Variants in AOPEP observed in about 807,000 individuals in gnomAD.
The protein encoded by AOPEP is aminopeptidase O.
In AOPEP, 77 loss-of-function variants were observed where a neutral mutation model predicts 98.1. That is an observed-to-expected ratio of 0.78 (90% confidence interval 0.65 to 0.95). The LOEUF (loss-of-function observed/expected upper bound fraction) is 0.95, where lower values mean the gene tolerates loss of function less well. Among genes scored for constraint, AOPEP ranks in the 40% least tolerant of loss-of-function variants. The pLI is 0.00. For missense variants in AOPEP, 1,024 were observed against 1,024.7 expected, an observed-to-expected ratio of 1.00 and a Z score of 0.01; for synonymous variants, 346 against 365.3, an observed-to-expected ratio of 0.95 and a Z score of 0.60.
intron 5 of AOPEP, among the ~76,000 whole-genome samples, chr9:94,901,918 GAA>G (rs2050464342): frequency 6.6e-6 from 1 of 151,924 alleles, no homozygotes; most frequent in Non-Finnish European, 1.5e-5. Context: ...CAAAAAAAAA[GAA>G]AAGAAAAGAA....
At chr9:94,961,273 G>T (rs1287385433) in intron 9 of AOPEP, among the ~76,000 whole-genome samples, 1 of 151,860 alleles carries the variant, frequency 6.6e-6, no homozygotes, top group African/African-American at 2.4e-5. Flanking sequence ...TGGTGTCTAT[G>T]GTTTTCTATC....
chr9:94,770,305 A>G (rs569286992), intron 2 of AOPEP, among the ~76,000 whole-genome samples: 10 of 152,188 alleles, frequency 6.6e-5, no homozygotes, highest in Non-Finnish European at 1.2e-4. Context: ...TGTGTTAACT[A>G]TGGCTGCACA....
chr9:94,881,526 T>C (rs1009300701), intron 5 of AOPEP, among the ~76,000 whole-genome samples: 3 of 152,332 alleles, frequency 2.0e-5, no homozygotes, highest in African/African-American at 7.2e-5. Flanking sequence ...GGTAGTCTTT[T>C]GGGTTTTTTC....
At chr9:94,810,145 G>A (rs1367245749) in intron 5 of AOPEP, 2 of 154,796 alleles carry the variant, frequency 1.3e-5, no homozygotes, top group Non-Finnish European at 2.9e-5. Flanking sequence ...CTTTTCTGTT[G>A]CTCAGAAGGA....
intron 5 of AOPEP, among the ~76,000 whole-genome samples, chr9:94,822,093 G>C (rs1350357447): frequency 6.6e-6 from 1 of 152,026 alleles, no homozygotes; most frequent in Non-Finnish European, 1.5e-5. Context: ...GGCTGGTTTG[G>C]CAGGGCACTC....
chr9:95,011,086 G>A (rs916349932), intron 13 of AOPEP, among the ~76,000 whole-genome samples: 32 of 152,190 alleles, frequency 2.1e-4, no homozygotes, highest in African/African-American at 7.7e-4. Flanking sequence ...GCTGGACCAA[G>A]GAATAATTGC....
intron 11 of AOPEP, among the ~76,000 whole-genome samples, chr9:95,001,013 T>C (rs951240444): frequency 1.3e-5 from 2 of 152,150 alleles, no homozygotes; most frequent in African/African-American, 4.8e-5. Flanking sequence ...TTGGGAACAT[T>C]GAAGAGCCCC....
chr9:94,793,796 A>T (rs899659865), intron 4 of AOPEP, among the ~76,000 whole-genome samples: 8 of 152,224 alleles, frequency 5.3e-5, no homozygotes, highest in African/African-American at 1.9e-4. Flanking sequence ...AAGTCTGCTG[A>T]AATATTTATA....
At chr9:95,115,211 G>GAATT in the AOPEP span, among the ~76,000 whole-genome samples, 1 of 152,062 alleles carries the variant, frequency 6.6e-6, no homozygotes, top group Non-Finnish European at 1.5e-5. Flanking sequence ...CAAAGTGCTG[G>GAATT]AATTACAGGC....
At chr9:94,882,088 T>C (rs1224857342) in intron 5 of AOPEP, among the ~76,000 whole-genome samples, 1 of 152,174 alleles carries the variant, frequency 6.6e-6, no homozygotes, top group African/African-American at 2.4e-5. Flanking sequence ...CTTTAGAACA[T>C]GGAGTGAAGG....
At chr9:94,832,522 T>C (rs945555199) in intron 5 of AOPEP, among the ~76,000 whole-genome samples, 1 of 152,214 alleles carries the variant, frequency 6.6e-6, no homozygotes, top group Non-Finnish European at 1.5e-5. Flanking sequence ...CCAAATCTTA[T>C]GAATTTATTC....
At chr9:94,868,185 T>A (rs975762213) in intron 5 of AOPEP, among the ~76,000 whole-genome samples, 3 of 152,212 alleles carry the variant, frequency 2.0e-5, no homozygotes, top group Non-Finnish European at 4.4e-5. Flanking sequence ...TCATAACAAC[T>A]GGGATAGCAG....
chr9:95,114,305 G>A, the AOPEP span: 1 of 376,798 alleles, frequency 2.7e-6, no homozygotes, highest in Non-Finnish European at 5.1e-6. Context: ...TTCCCAGCAG[G>A]TGGGTGCTGC....
intron 13 of AOPEP, among the ~76,000 whole-genome samples, chr9:95,043,775 C>T (rs956867368): frequency 2.0e-5 from 3 of 152,134 alleles, no homozygotes; most frequent in Non-Finnish European, 4.4e-5. Flanking sequence ...AGCAATCCTC[C>T]CACCTCAGCC....
At chr9:94,766,550 A>G (rs1487716647) in intron 2 of AOPEP, among the ~76,000 whole-genome samples, 3 of 152,096 alleles carry the variant, frequency 2.0e-5, no homozygotes, top group Non-Finnish European at 4.4e-5. Flanking sequence ...ACAAAACAAA[A>G]CAAACTGAAG....
chr9:95,124,516 T>G, the AOPEP span, among the ~76,000 whole-genome samples: 2 of 152,192 alleles, frequency 1.3e-5, no homozygotes, highest in Non-Finnish European at 2.9e-5. Context: ...GTTTACTGAC[T>G]GTGTCTAACA....
chr9:95,107,068 G>A, the AOPEP span: 1 of 1,614,182 alleles, frequency 6.2e-7, no homozygotes, highest in Non-Finnish European at 8.5e-7. Context: ...AGACTTACCA[G>A]GGTGATGACA....
At chr9:94,871,026 TC>T (rs2046288925) in intron 5 of AOPEP, among the ~76,000 whole-genome samples, 1 of 152,138 alleles carries the variant, frequency 6.6e-6, no homozygotes. Flanking sequence ...TTTTCAGCCC[TC>T]CTCCTCCACT....
chr9:95,007,344 T>C (rs1379336992), intron 13 of AOPEP, among the ~76,000 whole-genome samples: 1 of 145,626 alleles, frequency 6.9e-6, no homozygotes, highest in Non-Finnish European at 1.5e-5. Context: ...GTGACACCCA[T>C]GACCTGACTA....
Sources: gnomAD v4.1 joint callset for allele counts (sites outside exome capture counted in the v4.1 genomes callset) on GRCh38, gnomAD v4.1.1 for gene constraint, MANE v1.5 for transcripts, NCBI Gene and HGNC (gene_info 2026-07-23, HGNC 2026-07-21) for gene names.